The following FYN variants were observed in gnomAD, a reference collection of about 807,000 sequenced individuals.
FYN encodes the protein tyrosine-protein kinase Fyn.
A neutral mutation model predicts 70.2 loss-of-function variants in FYN; 10 were observed. The ratio of observed to expected loss-of-function variants is 0.14; its 90% confidence interval spans 0.09 to 0.24. FYN has a LOEUF of 0.24. FYN is among the 10% of genes least tolerant of loss of function. FYN has a pLI of 1.00. For missense variants in FYN, 319 were observed against 673.1 expected, an observed-to-expected ratio of 0.47 and a Z score of 5.82; for synonymous variants, 236 against 248.6, an observed-to-expected ratio of 0.95 and a Z score of 0.48.
rs777203019 is a variant in FYN, at chr6:111,676,861, G to A, written c.1274-2231C>T. ...TGCTGAAAGTGACTATTTAAAATTT[G>A]GATACTGTCATGTTAGATTTTCCAA... On this transcript the variant is annotated intron_variant, in intron 12 of 13. Transcript: ENST00000354650. 3.4e-4 allele frequency among the ~76,000 whole-genome samples: 51 copies of A among 152,016 alleles called. 1 individual carries two copies. The highest frequency in any genetic ancestry group is 6.5e-4 in the Admixed American group (10 of 15,270).
intron 12 of FYN, among the ~76,000 whole-genome samples, chr6:111,681,032 AT>A (rs11379613): frequency 0.015 from 2,104 of 141,386 alleles, 25 homozygotes; most frequent in African/African-American, 0.036. Flanking sequence ...ATTTAATTTA[AT>A]TTTTTTTTTT....
chr6:111,812,214 C>T (rs989735544), intron 2 of FYN, among the ~76,000 whole-genome samples: 7 of 152,166 alleles, frequency 4.6e-5, no homozygotes, highest in African/African-American at 1.7e-4. Context: ...TGAGGGCACT[C>T]GGAAGAACAG....
At chr6:111,746,835 G>T (rs1018927473) in intron 3 of FYN, among the ~76,000 whole-genome samples, 3 of 151,942 alleles carry the variant, frequency 2.0e-5, no homozygotes, top group Non-Finnish European at 4.4e-5. Context: ...GGGAGGCAGG[G>T]AGAGAAAGGA....
chr6:111,728,543 T>C, intron 3 of FYN, among the ~76,000 whole-genome samples: 1 of 152,204 alleles, frequency 6.6e-6, no homozygotes, highest in East Asian at 1.9e-4. Flanking sequence ...ACGAATCTAA[T>C]TTCTGTCTCT....
chr6:111,720,464 A>G (rs564161793), intron 3 of FYN, among the ~76,000 whole-genome samples: 1 of 152,340 alleles, frequency 6.6e-6, no homozygotes, highest in South Asian at 2.1e-4. Context: ...CATTAGAATA[A>G]AAACTTCCAT....
intron 13 of FYN, among the ~76,000 whole-genome samples, chr6:111,668,860 A>G (rs1194520885): frequency 2.0e-5 from 3 of 152,142 alleles, no homozygotes; most frequent in Non-Finnish European, 2.9e-5. Context: ...TCGGCTTCCC[A>G]GTCTCCTCCT....
Position 111,694,436 on chromosome 6 carries a change from G to A in FYN, c.1212C>T (p.Cys404=), listed in dbSNP as rs1171598325. The A allele has an allele frequency of 6.2e-7, 1 of 1,614,188 alleles. No homozygotes were observed. Residue 404 remains cysteine (C), a synonymous_variant, in exon 12 of 14, where the codon TGC becomes TGT. Coordinates refer to ENST00000354650, the MANE Select transcript of FYN (RefSeq NM_002037.5). This position sits in a 1 kb window ranked among gnomAD's most constrained non-coding sequence, Gnocchi z 5.0. ...ANILVGNGLI[C]KIADFGLARL... ...GGGCCAATCCGAAGTCAGCAATCTT[G>A]CATATGAGTCCATTCCCCACTAGAA...
At chr6:111,766,333 C>G (rs1216603266) in intron 3 of FYN, among the ~76,000 whole-genome samples, 1 of 152,160 alleles carries the variant, frequency 6.6e-6, no homozygotes, top group African/African-American at 2.4e-5. Context: ...CCTCCCACAC[C>G]ATCATCTATT....
intron 12 of FYN, among the ~76,000 whole-genome samples, chr6:111,675,779 C>T (rs548188803): frequency 6.7e-6 from 1 of 150,106 alleles, no homozygotes; most frequent in Non-Finnish European, 1.5e-5. Context: ...GGTGACAGAG[C>T]AAGAGTCCGT....
At chr6:111,731,179 T>C (rs1049027310) in intron 3 of FYN, among the ~76,000 whole-genome samples, 14 of 152,248 alleles carry the variant, frequency 9.2e-5, no homozygotes, top group African/African-American at 3.4e-4. Flanking sequence ...CCAGTCTCTA[T>C]AGAGGTTCCT....
intron 9 of FYN, among the ~76,000 whole-genome samples, chr6:111,698,151 G>A (rs1799656372): frequency 6.7e-6 from 1 of 149,410 alleles, no homozygotes; most frequent in Non-Finnish European, 1.5e-5. Flanking sequence ...TTGAGACGGA[G>A]TTTCGCTTTT....
chr6:111,772,347 A>T (rs1583428801), intron 3 of FYN, among the ~76,000 whole-genome samples: 1 of 152,332 alleles, frequency 6.6e-6, no homozygotes, highest in East Asian at 1.9e-4. Flanking sequence ...CAATATTCCA[A>T]AGTAATAACT....
chr6:111,698,276 G>A (rs184823102), intron 9 of FYN, among the ~76,000 whole-genome samples: 118 of 152,284 alleles, frequency 7.7e-4, no homozygotes, highest in African/African-American at 2.4e-3. Flanking sequence ...TGGGATTACA[G>A]GCATGCACCA....
chr6:111,671,119 T>C (rs558121746), intron 13 of FYN, among the ~76,000 whole-genome samples: 3 of 152,330 alleles, frequency 2.0e-5, no homozygotes, highest in Admixed American at 2.0e-4. Flanking sequence ...ACCTTCCTCA[T>C]CTGGTAAGGT....
In FYN at chr6:111,850,975, G is replaced by A. The variant is rs118127817; in HGVS notation, c.-122-4346C>T. 5.3e-5 allele frequency among the ~76,000 whole-genome samples: 8 copies of A among 152,356 alleles called. No homozygotes were observed. The East Asian group carries it at 1.5e-3, about 29-fold the overall frequency. ...GCCCCAAACTAGCTCATTCTCCTGT[G>A]TCTTGCTCCACACACAAACCTTCTC... On this transcript the variant is annotated intron_variant, in intron 1 of 13. Transcript: ENST00000354650.
At chr6:111,722,266 T>C (rs1346598622) in intron 3 of FYN, among the ~76,000 whole-genome samples, 5 of 152,228 alleles carry the variant, frequency 3.3e-5, no homozygotes. Flanking sequence ...GGAACACATT[T>C]ACTCCTAAAT....
intron 2 of FYN, among the ~76,000 whole-genome samples, chr6:111,815,012 T>C (rs896374743): frequency 6.6e-6 from 1 of 152,228 alleles, no homozygotes; most frequent in Non-Finnish European, 1.5e-5. Flanking sequence ...TTTAAAAAGA[T>C]TTCCTAATAG....
intron 3 of FYN, among the ~76,000 whole-genome samples, chr6:111,770,763 A>T (rs1230391313): frequency 6.6e-6 from 1 of 152,096 alleles, no homozygotes; most frequent in African/African-American, 2.4e-5. Context: ...GAAGACGCCA[A>T]ACCTAGGAGG....
chr6:111,848,452 C>A (rs2114484728), intron 1 of FYN, among the ~76,000 whole-genome samples: 1 of 152,342 alleles, frequency 6.6e-6, no homozygotes, highest in East Asian at 1.9e-4. Context: ...AACGGAAAAC[C>A]CATTTGAAGC....
Sources: allele counts gnomAD v4.1 joint callset (sites outside exome capture counted in the v4.1 genomes callset), GRCh38; gene constraint gnomAD v4.1.1; non-coding constraint Gnocchi (gnomAD v3.1); transcripts MANE v1.5; gene names NCBI Gene and HGNC (gene_info 2026-07-23, HGNC 2026-07-21).